The following YEATS4 variants were observed in gnomAD, a reference collection of about 807,000 sequenced individuals.
YEATS4 encodes the protein YEATS domain containing 4, also known as YEATS domain-containing protein 4.
Under a neutral mutation model 30.1 loss-of-function variants are expected in YEATS4, and 17 were observed. The observed-to-expected ratio is 0.56, with a 90% confidence interval of 0.39 to 0.85. The LOEUF (loss-of-function observed/expected upper bound fraction) is 0.85, where lower values mean the gene tolerates loss of function less well. Ranked by LOEUF, YEATS4 falls within the 40% of genes least tolerant of loss-of-function variation. The pLI is 0.00. For missense variants in YEATS4, 142 were observed against 268.3 expected, an observed-to-expected ratio of 0.53 and a Z score of 3.29; for synonymous variants, 85 against 87.5, an observed-to-expected ratio of 0.97 and a Z score of 0.16.
Position 69,365,885 on chromosome 12 carries a change from G to C in YEATS4, c.333+1G>C, listed in dbSNP as rs750935462. Reference sequence around the variant, plus strand: ...TTTCATTGACCCTAATGAAAGACCTGTGAGTAGCATTAATCTTTGTAAATA... The same window carrying C: ...TTTCATTGACCCTAATGAAAGACCTCTGAGTAGCATTAATCTTTGTAAATA... On this transcript the variant is annotated splice_donor_variant, in intron 4 of 6. Coordinates refer to ENST00000247843, the MANE Select transcript of YEATS4 (RefSeq NM_006530.4). LOFTEE classifies it high-confidence loss of function. 3 of 1,575,234 alleles carry C rather than the reference G, an allele frequency of 1.9e-6. No homozygotes were observed. Among genetic ancestry groups the C allele is most frequent in the Non-Finnish European group, 2.6e-6 (3 of 1,154,448 alleles).
the YEATS4 span, among the ~76,000 whole-genome samples, chr12:69,417,285 G>A: frequency 6.8e-6 from 1 of 147,262 alleles, no homozygotes; most frequent in Non-Finnish European, 1.5e-5. Context: ...AGCCTCCCAC[G>A]TTGCTTGGAC....
At chr12:69,368,574 G>A (rs1875524750) in intron 4 of YEATS4, among the ~76,000 whole-genome samples, 1 of 152,188 alleles carries the variant, frequency 6.6e-6, no homozygotes, top group Non-Finnish European at 1.5e-5. Flanking sequence ...TTTGAAATAA[G>A]TGTAAGTCTT....
the YEATS4 span, among the ~76,000 whole-genome samples, chr12:69,412,965 GAA>G: frequency 6.6e-6 from 1 of 152,116 alleles, no homozygotes; most frequent in Non-Finnish European, 1.5e-5. Context: ...CATGTGCAAA[GAA>G]AGACCTAGAA....
the YEATS4 span, among the ~76,000 whole-genome samples, chr12:69,414,483 A>C: frequency 6.6e-6 from 1 of 152,186 alleles, no homozygotes; most frequent in Non-Finnish European, 1.5e-5. Context: ...CTCCCATCTT[A>C]GCCTCCCAAA....
the YEATS4 span, among the ~76,000 whole-genome samples, chr12:69,405,049 T>C: frequency 6.6e-6 from 1 of 152,204 alleles, no homozygotes; most frequent in African/African-American, 2.4e-5. Context: ...TAGAGTAATC[T>C]TGTCTCTGCT....
the YEATS4 span, among the ~76,000 whole-genome samples, chr12:69,422,327 T>C: frequency 6.6e-6 from 1 of 151,942 alleles, no homozygotes; most frequent in Non-Finnish European, 1.5e-5. Context: ...ACTTCCAAGA[T>C]GACAAAGAAA....
the YEATS4 span, among the ~76,000 whole-genome samples, chr12:69,401,531 G>A: frequency 6.6e-6 from 1 of 152,192 alleles, no homozygotes; most frequent in Non-Finnish European, 1.5e-5. Flanking sequence ...TAGGTAGACT[G>A]CTGCAGGGAG....
At chr12:69,380,318 C>T (rs1876024089) in intron 6 of YEATS4, among the ~76,000 whole-genome samples, 1 of 152,214 alleles carries the variant, frequency 6.6e-6, no homozygotes, top group South Asian at 2.1e-4. Context: ...TTAGGGGATA[C>T]CCCAAGGCCC....
the YEATS4 span, among the ~76,000 whole-genome samples, chr12:69,397,500 A>T: frequency 3.5e-3 from 532 of 152,264 alleles, 2 homozygotes; most frequent in African/African-American, 0.012. Flanking sequence ...AATAAGTCTC[A>T]TGAGATCTGA....
At chr12:69,374,632 C>T (rs1227448085) in intron 6 of YEATS4, among the ~76,000 whole-genome samples, 1 of 149,262 alleles carries the variant, frequency 6.7e-6, no homozygotes, top group African/African-American at 2.5e-5. Context: ...TTTAACAAAG[C>T]ACATCTTGCG....
chr12:69,402,495 C>G, the YEATS4 span, among the ~76,000 whole-genome samples: 1 of 152,090 alleles, frequency 6.6e-6, no homozygotes, highest in Non-Finnish European at 1.5e-5. Flanking sequence ...TCTGTCCAGT[C>G]TTCTAGAGTT....
Position 69,359,811 on chromosome 12 carries a change from T to G in YEATS4, c.-162T>G. 1.6e-5 allele frequency: 12 copies of G among 766,028 alleles called. No homozygotes were observed. Among genetic ancestry groups the G allele is most frequent in the Admixed American group, 2.9e-5 (1 of 34,070 alleles). The allele number at this position is 766,028 out of a possible 1,614,324, so 47.5% of individuals were successfully genotyped here. A position where few individuals can be genotyped will look rare whatever the true frequency, so the allele number is the denominator to read the frequency against. Reference sequence around the variant, plus strand: ...TCAGGAGCACAGTCGGCCTGAGGAGTTGACGGTTACTCACCGCCGTGAGCC... The same window carrying G: ...TCAGGAGCACAGTCGGCCTGAGGAGGTGACGGTTACTCACCGCCGTGAGCC... On this transcript the variant is annotated 5_prime_UTR_variant, in exon 1 of 7. Transcript: ENST00000247843.
the YEATS4 span, chr12:69,423,078 T>C: frequency 6.6e-6 from 1 of 152,202 alleles, no homozygotes; most frequent in African/African-American, 2.4e-5. Flanking sequence ...AAGTAGACAT[T>C]GAGATCATCT....
chr12:69,425,181 C>G, the YEATS4 span, among the ~76,000 whole-genome samples: 2 of 152,116 alleles, frequency 1.3e-5, no homozygotes, highest in Non-Finnish European at 2.9e-5. Context: ...CCTCGGCCTC[C>G]CAAAGTGCTG....
the YEATS4 span, among the ~76,000 whole-genome samples, chr12:69,408,189 T>A: frequency 6.6e-6 from 1 of 152,188 alleles, no homozygotes; most frequent in Non-Finnish European, 1.5e-5. Flanking sequence ...CTGTTGGGCA[T>A]TACAAGATCA....
chr12:69,369,592 C>T (rs533080928), intron 4 of YEATS4, among the ~76,000 whole-genome samples: 1 of 152,276 alleles, frequency 6.6e-6, no homozygotes, highest in South Asian at 2.1e-4. Context: ...ACCTCTTAGG[C>T]AGTTTTCTTA....
At chr12:69,418,651 C>G in the YEATS4 span, among the ~76,000 whole-genome samples, 1 of 152,102 alleles carries the variant, frequency 6.6e-6, no homozygotes, top group African/African-American at 2.4e-5. Context: ...CACATATTTC[C>G]CTTGGTAGAA....
chr12:69,398,338 G>C, the YEATS4 span, among the ~76,000 whole-genome samples: 6 of 151,640 alleles, frequency 4.0e-5, no homozygotes, highest in Non-Finnish European at 8.8e-5. Context: ...AACTATTAGA[G>C]GTAATAAATG....
the YEATS4 span, among the ~76,000 whole-genome samples, chr12:69,396,917 G>A: frequency 0.026 from 4,021 of 152,058 alleles, 167 homozygotes; most frequent in African/African-American, 0.091. Flanking sequence ...ATACTACTGC[G>A]AGTTTATAGT....
Sources: gnomAD v4.1 joint callset for allele counts (sites outside exome capture counted in the v4.1 genomes callset) on GRCh38, gnomAD v4.1.1 for gene constraint, MANE v1.5 for transcripts, NCBI Gene and HGNC (gene_info 2026-07-23, HGNC 2026-07-21) for gene names.